PPP4R3B: variants seen among roughly 807,000 people sequenced by gnomAD.
PPP4R3B encodes serine/threonine-protein phosphatase 4 regulatory subunit 3B.
In PPP4R3B, 52 loss-of-function variants were observed where a neutral mutation model predicts 95.4. The observed-to-expected ratio is 0.54, with a 90% confidence interval of 0.44 to 0.69. The LOEUF (loss-of-function observed/expected upper bound fraction) is 0.69. Among genes scored for constraint, PPP4R3B ranks in the 30% least tolerant of loss-of-function variants. The pLI, the probability that PPP4R3B is intolerant of heterozygous loss-of-function variation, is 0.00. For missense variants in PPP4R3B, 1,003 were observed against 1,005.9 expected, an observed-to-expected ratio of 1.00 and a Z score of 0.04; for synonymous variants, 407 against 343.9, an observed-to-expected ratio of 1.18 and a Z score of -2.03.
rs1446363918 is a variant in PPP4R3B, at chr2:55,548,637, G to A, written c.*1274C>T. The A allele has an allele frequency of 6.6e-6, 1 of 152,466 alleles. No homozygotes were observed. The highest frequency in any genetic ancestry group is 1.5e-5 in the Non-Finnish European group (1 of 68,006). 9.4% of individuals were successfully genotyped at this position (152,466 alleles called of 1,614,324 possible). On this transcript the variant is annotated 3_prime_UTR_variant, in exon 17 of 17. Coordinates refer to ENST00000616407, the MANE Select transcript of PPP4R3B (RefSeq NM_001122964.3). The stretch of plus-strand genomic sequence containing the variant: ...AAACGATTCCAGGAAAAATGGACCC[G>A]TAACACATTACAAGGGTGATCTAAA...
At chr2:55,594,546 G>A (rs1201592386) in intron 4 of PPP4R3B, among the ~76,000 whole-genome samples, 1 of 152,028 alleles carries the variant, frequency 6.6e-6, no homozygotes, top group Non-Finnish European at 1.5e-5. Flanking sequence ...AATATTTATA[G>A]TTCATATAAT....
rs547429624 is a variant in PPP4R3B at position 55,560,180 on chromosome 2, T to C, written c.2261-1212A>G. Among the ~76,000 whole-genome samples the C allele has an allele frequency of 5.3e-5, 8 of 151,744 alleles. No homozygotes were observed. In the South Asian group the frequency reaches 6.3e-4, roughly 12 times the overall value. Reference sequence around the variant, plus strand: ...TTTGGAACTGGGTAATAGACAGAGGTTGGAACAATTTGGAGGGCTTAGAAA... The same window carrying C: ...TTTGGAACTGGGTAATAGACAGAGGCTGGAACAATTTGGAGGGCTTAGAAA... On this transcript the variant is annotated intron_variant, in intron 15 of 16. Coordinates refer to ENST00000616407, the MANE Select transcript of PPP4R3B (RefSeq NM_001122964.3).
intron 16 of PPP4R3B, among the ~76,000 whole-genome samples, chr2:55,554,101 C>T (rs781507241): frequency 4.6e-5 from 7 of 152,164 alleles, no homozygotes; most frequent in Admixed American, 2.0e-4. Context: ...GAGACATTGT[C>T]TTAGAGACTC....
chr2:55,593,272 G>A (rs1691289723), intron 4 of PPP4R3B, among the ~76,000 whole-genome samples: 1 of 152,176 alleles, frequency 6.6e-6, no homozygotes, highest in African/African-American at 2.4e-5. Flanking sequence ...AAAGTCTTAT[G>A]TCCCTATCAT....
intron 16 of PPP4R3B, among the ~76,000 whole-genome samples, chr2:55,551,995 G>C (rs1685303948): frequency 6.6e-6 from 1 of 152,140 alleles, no homozygotes. Flanking sequence ...TTTTAATTAT[G>C]CTTAGTATTA....
intron 2 of PPP4R3B, among the ~76,000 whole-genome samples, chr2:55,607,472 C>CA (rs1240709479): frequency 6.6e-6 from 1 of 152,114 alleles, no homozygotes; most frequent in Non-Finnish European, 1.5e-5. Flanking sequence ...TGCAGGGAAA[C>CA]AGTTATATCT....
rs1470562672 is a variant in PPP4R3B at position 55,568,329 on chromosome 2, A to C, written c.1800T>G (p.Leu600=). The change falls in exon 13 of 17, where the codon CTT becomes CTG. Residue 600 remains leucine, a synonymous_variant. Transcript: ENST00000616407. ...ALRFMRRIIG[L]KDEFYNRYIT... ...TGTAACGATTATAAAATTCATCTTT[A>C]AGTCCAATTATCCGCCTCATAAAGC... 6.2e-7 allele frequency: 1 copy of C among 1,604,470 alleles called. No homozygotes were observed. Among genetic ancestry groups the C allele is most frequent in the African/African-American group, 1.3e-5 (1 of 74,624 alleles).
Position 55,548,516 on chromosome 2 carries a change from A to G in PPP4R3B, c.*1395T>C, listed in dbSNP as rs1684931451. 6.6e-6 allele frequency: 1 copy of G among 152,556 alleles called. No homozygotes were observed. Among genetic ancestry groups the G allele is most frequent in the Non-Finnish European group, 1.5e-5 (1 of 68,024 alleles). The allele number at this position is 152,556 out of a possible 1,614,324, so 9.5% of individuals were successfully genotyped here. The stretch of plus-strand genomic sequence containing the variant: ...ACATCTGTTTTATGGAAAAAACTAT[A>G]CTTCATATCTACACAGACAGCTCAT... On this transcript the variant is annotated 3_prime_UTR_variant, in exon 17 of 17. Transcript: ENST00000616407.
At chr2:55,554,475 G>T (rs1011598699) in intron 16 of PPP4R3B, among the ~76,000 whole-genome samples, 1 of 152,112 alleles carries the variant, frequency 6.6e-6, no homozygotes, top group African/African-American at 2.4e-5. Flanking sequence ...CTATCATATT[G>T]TGATTTTGAC....
intron 2 of PPP4R3B, 72 bp downstream of exon 2, chr2:55,615,379 C>A: frequency 1.8e-6 from 2 of 1,092,420 alleles, no homozygotes; most frequent in Non-Finnish European, 2.7e-6. Context: ...GAAAGCTTTC[C>A]CACCTTTGTC....
intron 9 of PPP4R3B, 130 bp from the exon 10 acceptor site, chr2:55,578,472 T>G: frequency 1.1e-6 from 1 of 944,188 alleles, no homozygotes; most frequent in African/African-American, 1.7e-5. Context: ...AAATGCATTA[T>G]TTTCATTTAT....
chr2:55,578,205 CA>C (rs764766358), intron 10 of PPP4R3B, 41 bp downstream of exon 10: 1 of 1,339,446 alleles, frequency 7.5e-7, no homozygotes, highest in South Asian at 2.5e-5. Context: ...ATCATAACAA[CA>C]TAAGTAAATA....
intron 15 of PPP4R3B, among the ~76,000 whole-genome samples, chr2:55,562,297 C>T (rs962417044): frequency 6.6e-6 from 1 of 152,056 alleles, no homozygotes; most frequent in Non-Finnish European, 1.5e-5. Flanking sequence ...TGGTACATGC[C>T]TGTAATCCCA....
intron 2 of PPP4R3B, 52 bp downstream of exon 2, chr2:55,615,399 C>T (rs1694752514): frequency 6.9e-6 from 9 of 1,308,714 alleles, no homozygotes; most frequent in Non-Finnish European, 8.7e-6. Flanking sequence ...CAGATTAATA[C>T]TTCCTTGATC....
chr2:55,560,778 GAAAAAAAA>G (rs545517387), intron 15 of PPP4R3B, among the ~76,000 whole-genome samples: 1 of 91,420 alleles, frequency 1.1e-5, no homozygotes, highest in Non-Finnish European at 2.0e-5. Context: ...CTCCATCTCA[GAAAAAAAA>G]AAAAAAAAAA....
At chr2:55,590,847 C>A (rs970922474) in intron 4 of PPP4R3B, among the ~76,000 whole-genome samples, 1 of 152,088 alleles carries the variant, frequency 6.6e-6, no homozygotes, top group Non-Finnish European at 1.5e-5. Flanking sequence ...TTTGAAATAA[C>A]GTGGAACATG....
chr2:55,563,946 A>G (rs1426897388), intron 15 of PPP4R3B, among the ~76,000 whole-genome samples: 1 of 152,230 alleles, frequency 6.6e-6, no homozygotes, highest in Non-Finnish European at 1.5e-5. Context: ...TATCAGCTGT[A>G]AAAGACACAG....
At chr2:55,580,142 G>T (rs748702554) in intron 8 of PPP4R3B, among the ~76,000 whole-genome samples, 16 of 152,102 alleles carry the variant, frequency 1.1e-4, no homozygotes, top group Non-Finnish European at 2.4e-4. Flanking sequence ...CCTGTGATAC[G>T]AATATGAAAC....
intron 4 of PPP4R3B, among the ~76,000 whole-genome samples, chr2:55,592,649 C>T (rs1023671222): frequency 5.9e-5 from 9 of 151,984 alleles, no homozygotes; most frequent in Admixed American, 3.3e-4. Context: ...AGAACTAAAC[C>T]GCTAATCCTG....
Sources: gnomAD v4.1 joint callset for allele counts (sites outside exome capture counted in the v4.1 genomes callset) on GRCh38, gnomAD v4.1.1 for gene constraint, MANE v1.5 for transcripts, NCBI Gene and HGNC (gene_info 2026-07-23, HGNC 2026-07-21) for gene names.